The following CLK3 variants were observed in gnomAD, a reference collection of about 807,000 sequenced individuals.
CLK3 encodes the protein CDC like kinase 3, also known as dual specificity protein kinase CLK3.
Under a neutral mutation model 65.2 loss-of-function variants are expected in CLK3, and 24 were observed. That is an observed-to-expected ratio of 0.37 (90% confidence interval 0.27 to 0.52). CLK3 has a LOEUF of 0.52. CLK3 is among the 20% of genes least tolerant of loss of function. The probability of loss-of-function intolerance (pLI) is 0.92; values close to 1 mark genes in which losing one functional copy is unlikely to be tolerated. For synonymous variants in CLK3, 252 were observed against 240.8 expected, an observed-to-expected ratio of 1.05 and a Z score of -0.43; for missense variants, 506 against 660.0, an observed-to-expected ratio of 0.77 and a Z score of 2.56.
intron 1 of CLK3, 182 bp downstream of exon 1, chr15:74,616,080 T>A: frequency 2.2e-6 from 1 of 461,526 alleles, no homozygotes; most frequent in Non-Finnish European, 3.5e-6. Context: ...GGGCGGTCAC[T>A]GCAGACCCTG....
In CLK3 at chr15:74,621,897, CTGTTTT is replaced by C. The variant is rs1386967552; in HGVS notation, c.370-220_370-215del. The C allele has an allele frequency of 1.7e-6, 1 of 597,272 alleles. No homozygotes were observed. Among genetic ancestry groups the C allele is most frequent in the African/African-American group, 1.8e-5 (1 of 54,314 alleles). 37.0% of individuals were successfully genotyped at this position (597,272 alleles called of 1,614,324 possible). On this transcript the variant is annotated intron_variant, in intron 3 of 12. Coordinates refer to ENST00000395066, the MANE Select transcript of CLK3 (RefSeq NM_001130028.2). This position sits in a 1 kb window ranked among gnomAD's most constrained non-coding sequence, Gnocchi z 4.8. ...CATACCTGTAGCTGTTTTTACTTTT[CTGTTTT>C]TGAAGTCAGTTTGTGTCTTGACGTG...
Position 74,622,280 on chromosome 15 carries a change from C to G in CLK3, c.466+64C>G. ...CTACCCCCCTTGTTAGACGAGACCT[C>G]TCCTGCCTGGAGGGGCCTCTAGTGC... On this transcript the variant is annotated intron_variant, in intron 4 of 12. Transcript: ENST00000395066. The surrounding 1 kb of genome is among the most constrained non-coding windows in gnomAD (Gnocchi z 4.6). 3 of 1,507,554 alleles carry G rather than the reference C, an allele frequency of 2.0e-6. No individual in the cohort carries two copies. The highest frequency in any genetic ancestry group is 2.7e-6 in the Non-Finnish European group (3 of 1,095,426). The allele number at this position is 1,507,554 out of a possible 1,614,324, so 93.4% of individuals were successfully genotyped here. A position where few individuals can be genotyped will look rare whatever the true frequency, so the allele number is the denominator to read the frequency against.
chr15:74,629,453 C>G, intron 12 of CLK3: 1 of 565,706 alleles, frequency 1.8e-6, no homozygotes, highest in Middle Eastern at 4.8e-4. Context: ...ACCCACCTGT[C>G]AGGACTTTGC....
chr15:74,611,753 G>A (rs1374211064), upstream of CLK3, among the ~76,000 whole-genome samples: 1 of 152,224 alleles, frequency 6.6e-6, no homozygotes, highest in Non-Finnish European at 1.5e-5. Flanking sequence ...CAGAGACAGC[G>A]GGCAGGGCTG....
At position 74,620,183 on chromosome 15, in the gene CLK3, C is replaced by T; in HGVS notation, c.327C>T (p.His109=). 6.2e-7 allele frequency: 1 copy of T among 1,614,144 alleles called. No individual in the cohort carries two copies. The highest frequency in any genetic ancestry group is 8.5e-7 in the Non-Finnish European group (1 of 1,180,046). The change falls in exon 3 of 13, where the codon CAC becomes CAT. Residue 109 remains histidine, a synonymous_variant. Coordinates refer to ENST00000395066, the MANE Select transcript of CLK3 (RefSeq NM_001130028.2). Reference sequence around the variant, plus strand: ...ACCGGACCCGCAAGCATGCCCACCACTGCCACAAACGCCGCACCAGGTCTT... The same window carrying T: ...ACCGGACCCGCAAGCATGCCCACCATTGCCACAAACGCCGCACCAGGTCTT... ...GPYRTRKHAH[H]CHKRRTRSCS...
chr15:74,619,733 A>G (rs1804680084), intron 2 of CLK3, among the ~76,000 whole-genome samples: 1 of 151,950 alleles, frequency 6.6e-6, no homozygotes, highest in Non-Finnish European at 1.5e-5. Flanking sequence ...GCCACAGGGA[A>G]CTCTGGAAGG....
intron 10 of CLK3, among the ~76,000 whole-genome samples, 163 bp from the exon 11 acceptor site, chr15:74,628,441 G>T (rs1161309036): frequency 2.6e-5 from 4 of 152,192 alleles, no homozygotes; most frequent in African/African-American, 9.6e-5. Context: ...GGGCTGAGGA[G>T]CCTAGGCACA....
Position 74,624,871 on chromosome 15 carries a change from T to G in CLK3, c.534-31T>G, listed in dbSNP as rs765826621. 2.1e-5 allele frequency: 32 copies of G among 1,531,572 alleles called. No homozygotes were observed. Among genetic ancestry groups the G allele is most frequent in the Non-Finnish European group, 2.5e-5 (28 of 1,115,620 alleles). The allele number at this position is 1,531,572 out of a possible 1,614,324, so 94.9% of individuals were successfully genotyped here. ...TGGGGAAGGACTGGGCAGCTGCTGA[T>G]GAGAACCTCTGTTTCCTTCCCGGGT... On this transcript the variant is annotated intron_variant, in intron 5 of 12. Coordinates refer to ENST00000395066, the MANE Select transcript of CLK3 (RefSeq NM_001130028.2). This position sits in a 1 kb window ranked among gnomAD's most constrained non-coding sequence, Gnocchi z 4.2.
intron 12 of CLK3, 155 bp from the exon 13 acceptor site, chr15:74,629,552 G>C: frequency 6.5e-6 from 4 of 615,798 alleles, no homozygotes; most frequent in Non-Finnish European, 1.2e-5. Context: ...AAGGAAAGGA[G>C]CTGCTCATTG....
rs1417588185 is a variant in CLK3, at chr15:74,610,273, A to T, written c.-1+1847A>T. On this transcript the variant is annotated intron_variant, in intron 1 of 12. Coordinates refer to the CLK3 transcript ENST00000345005. ...TGGTCTGCCTGTTCCCTGCCACCCCACCCCTCCCCCACAGCCCAGCCCCAC... is the reference window on the plus strand; with the variant it reads ...TGGTCTGCCTGTTCCCTGCCACCCCTCCCCTCCCCCACAGCCCAGCCCCAC... 3.3e-5 allele frequency among the ~76,000 whole-genome samples: 5 copies of T among 150,060 alleles called. No homozygotes were observed. The East Asian group carries it at 9.9e-4, about 30-fold the overall frequency.
At chr15:74,613,815 G>A (rs1396371408), upstream of CLK3, among the ~76,000 whole-genome samples, 4 of 152,318 alleles carry the variant, frequency 2.6e-5, no homozygotes, top group East Asian at 7.7e-4. Flanking sequence ...AGACACCAGA[G>A]AGGCCTCCTA....
At chr15:74,614,116 TG>T (rs2062025545), upstream of CLK3, among the ~76,000 whole-genome samples, 1 of 152,014 alleles carries the variant, frequency 6.6e-6, no homozygotes. Context: ...CGGGTTTAAG[TG>T]ATTCTCCCAC....
chr15:74,610,142 C>T (rs1005890535), intron 1 of CLK3, among the ~76,000 whole-genome samples: 14 of 152,258 alleles, frequency 9.2e-5, no homozygotes, highest in Admixed American at 9.2e-4. Flanking sequence ...TTGGGGGATC[C>T]CCAGGCTGGG....
At chr15:74,615,698 C>T (rs1051442262), upstream of CLK3, 33 of 1,238,436 alleles carry the variant, frequency 2.7e-5, no homozygotes, top group Non-Finnish European at 3.1e-5. Context: ...CGGCGCCCGC[C>T]GGAGCGGAGA....
upstream of CLK3, among the ~76,000 whole-genome samples, chr15:74,614,450 G>C (rs2062029102): frequency 6.6e-6 from 1 of 152,206 alleles, no homozygotes; most frequent in South Asian, 2.1e-4. Flanking sequence ...CAAGGAGCTG[G>C]AACTACAGGC....
In CLK3 at chr15:74,627,972, C is replaced by G; in HGVS notation, c.1045C>G (p.Leu349Val). The G allele has an allele frequency of 6.2e-7, 1 of 1,611,800 alleles. No individual in the cohort carries two copies. The change falls in exon 10 of 13, where the codon CTG (leucine) becomes GTG (valine). Residue 349 changes from leucine (L) to valine (V), a missense_variant and splice_region_variant. By Grantham distance (32) the Leu-to-Val change is conservative. This residue lies in a region of CLK3 where 325 missense variants were observed against 500.5 expected (regional missense o/e 0.65). Transcript: ENST00000395066. The surrounding 1 kb of genome is among the most constrained non-coding windows in gnomAD (Gnocchi z 4.3). ...CCTCTCCCCATCTTGGCTTGCAGAG[C>G]TGGGCTGGGCACAGCCCTGTGACGT... ...HYRPPEVILELGWAQPCDVWS... is the reference protein window; with the variant it reads ...HYRPPEVILEVGWAQPCDVWS...
intron 12 of CLK3, chr15:74,629,489 G>A: frequency 1.7e-6 from 1 of 584,270 alleles, no homozygotes; most frequent in Non-Finnish European, 3.1e-6. Flanking sequence ...CATCAACCCA[G>A]CAAGACACCT....
At chr15:74,628,900 C>T (rs765010968) in intron 11 of CLK3, 42 bp from the exon 12 acceptor site, 2 of 1,421,812 alleles carry the variant, frequency 1.4e-6, no homozygotes, top group African/African-American at 1.4e-5. Context: ...AGGCTTGTCC[C>T]CTTACTACTC....
intron 2 of CLK3, 128 bp from the exon 3 acceptor site, chr15:74,619,881 C>A (rs1314362201): frequency 2.9e-5 from 43 of 1,470,594 alleles, no homozygotes; most frequent in Non-Finnish European, 3.8e-5. Context: ...CTGCCCACTT[C>A]CCACCAGTGT....
Sources: allele counts gnomAD v4.1 joint callset (sites outside exome capture counted in the v4.1 genomes callset), GRCh38; gene constraint gnomAD v4.1.1; regional missense constraint gnomAD v4.1.1; non-coding constraint Gnocchi (gnomAD v3.1); transcripts MANE v1.5; gene names NCBI Gene and HGNC (gene_info 2026-07-23, HGNC 2026-07-21).